Variants in C1orf232 observed in about 807,000 individuals in gnomAD.
C1orf232 encodes the protein chromosome 1 open reading frame 230.
A neutral mutation model predicts 12.1 loss-of-function variants in C1orf232; 10 were observed. That is an observed-to-expected ratio of 0.82 (90% CI 0.51 to 1.40). C1orf232 has a LOEUF of 1.40. Ranked by LOEUF, C1orf232 falls within the 40% of genes most tolerant of loss-of-function variation. C1orf232 has a pLI of 0.00. For synonymous variants in C1orf232, 36 were observed against 39.8 expected (o/e 0.90, Z 0.36); for missense variants, 88 against 98.4 (o/e 0.89, Z 0.45).
At chr1:26,166,843 A>C (rs998527741) in intron 1 of C1orf232, among the ~76,000 whole-genome samples, 1 of 152,228 alleles carries the variant, frequency 6.6e-6, no homozygotes, top group Non-Finnish European at 1.5e-5. Flanking sequence ...ACAACCACAG[A>C]CAGCTGCACA....
rs574159778 is a variant in C1orf232 at position 26,164,686 on chromosome 1, G to A, written c.267-231C>T. Among the ~76,000 whole-genome samples, 1 of 152,144 alleles carries A rather than the reference G, an allele frequency of 6.6e-6. No individual in the cohort carries two copies. Among genetic ancestry groups the A allele is most frequent in the African/African-American group, 2.4e-5 (1 of 41,526 alleles). On this transcript the variant is annotated intron_variant, in intron 3 of 3. Transcript: ENST00000634842. The surrounding 1 kb of genome is among the most constrained non-coding windows in gnomAD (Gnocchi z 4.2). ...GGAAAGGGGTCTGGGGTGGGACAGG[G>A]TCAGGGGATTAGGCGAGGGATGTGG... is the stretch of plus-strand genomic sequence containing the variant.
chr1:26,165,030 G>C (rs867933922), intron 3 of C1orf232, among the ~76,000 whole-genome samples: 6 of 151,694 alleles, frequency 4.0e-5, no homozygotes, highest in Non-Finnish European at 7.4e-5. Flanking sequence ...GAAGATGTTG[G>C]GGGGAAGGGC....
intron 3 of C1orf232, among the ~76,000 whole-genome samples, chr1:26,165,137 TG>T (rs1455640852): frequency 3.1e-5 from 1 of 32,188 alleles, no homozygotes; most frequent in Non-Finnish European, 6.3e-5. Flanking sequence ...AATGGAAACC[TG>T]GGGGCGGGAG....
intron 1 of C1orf232, among the ~76,000 whole-genome samples, chr1:26,167,139 C>T (rs891626379): frequency 1.3e-5 from 2 of 152,220 alleles, no homozygotes; most frequent in African/African-American, 4.8e-5. Flanking sequence ...CCTGCCTCTG[C>T]CACATTTTGT....
At chr1:26,166,241 C>T (rs1412513089) in intron 1 of C1orf232, 123 bp from the exon 2 acceptor site, 2 of 553,710 alleles carry the variant, frequency 3.6e-6, no homozygotes, top group Non-Finnish European at 2.7e-6. Flanking sequence ...AAACACACAC[C>T]TATACACTCC....
Position 26,164,244 on chromosome 1 carries a change from CG to C in C1orf232, c.477del (p.Glu160SerfsTer18). The C allele has an allele frequency of 2.5e-6, 1 of 398,496 alleles. No homozygotes were observed. The highest frequency in any genetic ancestry group is 4.4e-6 in the Non-Finnish European group (1 of 225,968). 24.7% of individuals were successfully genotyped at this position (398,496 alleles called of 1,614,324 possible). On this transcript the variant is annotated frameshift_variant, in exon 4 of 4. Coordinates refer to ENST00000634842, the MANE Select transcript of C1orf232 (RefSeq NM_001364669.2). LOFTEE classifies it high-confidence loss of function. The surrounding 1 kb of genome is among the most constrained non-coding windows in gnomAD (Gnocchi z 4.2). ...CCCCACTTGAAGCCGGCCACCGGCTCGGCCTCCTGCGACTCGGGGCGCTCTG... is the reference window on the plus strand; with the variant it reads ...CCCCACTTGAAGCCGGCCACCGGCTCGCCTCCTGCGACTCGGGGCGCTCTG... Reference protein sequence around the residue: ...EAAERPESQEAEPVAGFKWGF... With the variant: ...EAAERPESQEXEPVAGFKWGF...
At chr1:26,168,332 G>T in intron 1 of C1orf232, 84 bp downstream of exon 1, 1 of 1,016,846 alleles carries the variant, frequency 9.8e-7, no homozygotes, top group Non-Finnish European at 1.3e-6. Flanking sequence ...CCACCTCCAA[G>T]CCTATCCTGT....
chr1:26,168,344 C>T (rs2088448133), intron 1 of C1orf232, 72 bp downstream of exon 1: 6 of 1,095,624 alleles, frequency 5.5e-6, no homozygotes, highest in Non-Finnish European at 6.9e-6. Flanking sequence ...CTATCCTGTG[C>T]CCCACTTCAT....
intron 1 of C1orf232, among the ~76,000 whole-genome samples, chr1:26,167,770 C>T (rs976096676): frequency 6.6e-6 from 1 of 152,038 alleles, no homozygotes; most frequent in African/African-American, 2.4e-5. Flanking sequence ...TACAGGTGCA[C>T]GCCGCCATGC....
In C1orf232 at chr1:26,168,596, GCCTGTCCGAGGGAT is replaced by G. The variant is rs1385077056; in HGVS notation, c.-111_-98del. 1 of 765,184 alleles carries G rather than the reference GCCTGTCCGAGGGAT, an allele frequency of 1.3e-6. No individual in the cohort carries two copies. Among genetic ancestry groups the G allele is most frequent in the Non-Finnish European group, 1.8e-6 (1 of 562,200 alleles). The allele number at this position is 765,184 out of a possible 1,614,324, so 47.4% of individuals were successfully genotyped here. ...CTCTAGGAACTTGGTGAGGCCAAGA[GCCTGTCCGAGGGAT>G]CCAGTGACTTCATTAAAGATGCACC... is the stretch of plus-strand genomic sequence containing the variant. On this transcript the variant is annotated 5_prime_UTR_variant, in exon 1 of 4. It removes the in-frame stop codon of an upstream open reading frame in the 5' UTR. Coordinates refer to ENST00000634842, the MANE Select transcript of C1orf232 (RefSeq NM_001364669.2).
Position 26,168,441 on chromosome 1 carries a change from TC to T in C1orf232, c.58del (p.Glu20AsnfsTer15). 8.1e-7 allele frequency: 1 copy of T among 1,231,904 alleles called. No individual in the cohort carries two copies. The highest frequency in any genetic ancestry group is 1.0e-6 in the Non-Finnish European group (1 of 988,106). The allele number at this position is 1,231,904 out of a possible 1,614,324, so 76.3% of individuals were successfully genotyped here. A position where few individuals can be genotyped will look rare whatever the true frequency, so the allele number is the denominator to read the frequency against. ...KSKVLQTLSGESEEDLAEERE... is the reference protein window; with the variant it reads ...KSKVLQTLSGXSEEDLAEERE... The stretch of plus-strand genomic sequence containing the variant: ...CTCCTCTGCCAGGTCTTCTTCAGAT[TC>T]CCCACTCAGGGTCTGTAGCACTTTG... On this transcript the variant is annotated frameshift_variant, in exon 1 of 4. Transcript: ENST00000634842. LOFTEE classifies it high-confidence loss of function.
Position 26,165,894 on chromosome 1 carries a change from C to A in C1orf232, c.198G>T (p.Leu66=). The change falls in exon 3 of 4, where the codon CTG becomes CTT. Residue 66 remains leucine, a synonymous_variant. Coordinates refer to ENST00000634842, the MANE Select transcript of C1orf232 (RefSeq NM_001364669.2). ...RVQGVGVKGW[L]TMSSLFNKED... Reference sequence around the variant, plus strand: ...CTTTGTTAAACAGAGATGACATTGTCAGCCAGCCTTTCACCCCGACCCCCT... The same window carrying A: ...CTTTGTTAAACAGAGATGACATTGTAAGCCAGCCTTTCACCCCGACCCCCT... The A allele has an allele frequency of 8.1e-7, 1 of 1,231,816 alleles. No homozygotes were observed. The highest frequency in any genetic ancestry group is 4.1e-5 in the South Asian group (1 of 24,318). 76.3% of individuals were successfully genotyped at this position (1,231,816 alleles called of 1,614,324 possible).
rs143350875 is a variant in C1orf232 at position 26,166,392 on chromosome 1, C to T, written c.85-274G>A. On this transcript the variant is annotated intron_variant, in intron 1 of 3. Coordinates refer to ENST00000634842, the MANE Select transcript of C1orf232 (RefSeq NM_001364669.2). ...GGGGTGCAGTGGTGCGATCTCGGCT[C>T]ACTGCAACCTCTGCCTCCCATGTTC... Among the ~76,000 whole-genome samples, 349 of 152,112 alleles carry T rather than the reference C, an allele frequency of 2.3e-3. 1 individual carries two copies. The highest frequency in any genetic ancestry group is 7.7e-3 in the African/African-American group (320 of 41,496).
intron 3 of C1orf232, 165 bp downstream of exon 3, chr1:26,165,661 T>G (rs891372141): frequency 9.5e-6 from 11 of 1,155,874 alleles, no homozygotes; most frequent in Middle Eastern, 3.3e-4. Context: ...ATCTCCCAGA[T>G]ATGCTGATTT....
chr1:26,165,921 A>C lies in C1orf232; in HGVS notation c.171T>G (p.Val57=). The C allele has an allele frequency of 8.1e-7, 1 of 1,231,748 alleles. No individual in the cohort carries two copies. Among genetic ancestry groups the C allele is most frequent in the Middle Eastern group, 3.1e-4 (1 of 3,208 alleles). The allele number at this position is 1,231,748 out of a possible 1,614,324, so 76.3% of individuals were successfully genotyped here. ...FNPMSQLARR[V]QGVGVKGWLT... The stretch of plus-strand genomic sequence containing the variant: ...GCCAGCCTTTCACCCCGACCCCCTG[A>C]ACCTGGGAAAGGGGTTGGGAGTCAG... The change falls in exon 3 of 4, where the codon GTT becomes GTG. Residue 57 remains valine (V), a splice_region_variant and synonymous_variant. Coordinates refer to ENST00000634842, the MANE Select transcript of C1orf232 (RefSeq NM_001364669.2).
chr1:26,165,675 C>G, intron 3 of C1orf232, 151 bp downstream of exon 3: 2 of 1,209,122 alleles, frequency 1.7e-6, no homozygotes, highest in Non-Finnish European at 2.1e-6. Context: ...CTGATTTGGC[C>G]TGTTTCCTGC....
intron 1 of C1orf232, among the ~76,000 whole-genome samples, chr1:26,167,000 A>C (rs1174270853): frequency 6.6e-6 from 1 of 152,202 alleles, no homozygotes; most frequent in East Asian, 1.9e-4. Context: ...ATACACTTTC[A>C]CTGGGGATTC....
At chr1:26,168,374 C>G (rs1489814488) in intron 1 of C1orf232, 42 bp downstream of exon 1, 1 of 1,212,878 alleles carries the variant, frequency 8.2e-7, no homozygotes, top group Non-Finnish European at 1.0e-6. Flanking sequence ...TCCTGCTGCC[C>G]CTCTGCACAT....
intron 1 of C1orf232, among the ~76,000 whole-genome samples, 198 bp downstream of exon 1, chr1:26,168,203 ACTCCTCCCATGGTCC>A (rs2088446132): frequency 1.3e-5 from 2 of 151,588 alleles, no homozygotes; most frequent in Admixed American, 1.3e-4. Context: ...GACAGTGGCC[ACTCCTCCCATGGTCC>A]CTAAGTCTTT....
Sources: gnomAD v4.1 joint callset for allele counts (sites outside exome capture counted in the v4.1 genomes callset) on GRCh38, gnomAD v4.1.1 for gene constraint, Gnocchi (gnomAD v3.1) non-coding constraint, MANE v1.5 for transcripts, NCBI Gene and HGNC (gene_info 2026-07-23, HGNC 2026-07-21) for gene names.